The following SEPSECS variants were observed in gnomAD, a reference collection of about 807,000 sequenced individuals.
SEPSECS encodes O-phosphoseryl-tRNA(Sec) selenium transferase.
SEPSECS carries 42 observed loss-of-function variants against 52.1 expected under a neutral mutation model. The ratio of observed to expected loss-of-function variants is 0.81; its 90% CI spans 0.63 to 1.04. The LOEUF is 1.04. SEPSECS is among the 50% of genes least tolerant of loss of function. SEPSECS has a pLI of 0.00. For synonymous variants in SEPSECS, 216 were observed against 211.4 expected (o/e 1.02, Z -0.19); for missense variants, 590 against 610.6 (o/e 0.97, Z 0.36).
chr4:25,145,202 C>A, intron 6 of SEPSECS, 69 bp from the exon 7 acceptor site: 1 of 1,500,598 alleles, frequency 6.7e-7, no homozygotes, highest in Admixed American at 1.7e-5. Context: ...AAACAAATAC[C>A]ACAACAAAAA....
intron 1 of SEPSECS, 62 bp from the exon 2 acceptor site, chr4:25,159,169 C>T (rs1299067397): frequency 7.5e-7 from 1 of 1,340,100 alleles, no homozygotes; most frequent in African/African-American, 1.5e-5. Flanking sequence ...TAGAATACTA[C>T]AGGAATACAG....
Position 25,150,732 on chromosome 4 carries a change from G to A in SEPSECS, c.804+1228C>T, listed in dbSNP as rs181663048. ...TAGAAAATGCTAGCAAGGGCTGGGC[G>A]CAGTGGCTCACATCTGCAATCCCAG... On this transcript the variant is annotated intron_variant, in intron 6 of 10. Coordinates refer to ENST00000382103, the MANE Select transcript of SEPSECS (RefSeq NM_016955.4). Among the ~76,000 whole-genome samples the A allele has an allele frequency of 1.6e-3, 245 of 152,288 alleles. 2 individuals are homozygous for A. Among genetic ancestry groups the A allele is most frequent in the African/African-American group, 5.7e-3 (235 of 41,562 alleles).
At chr4:25,140,539 G>A (rs1252110808) in intron 8 of SEPSECS, among the ~76,000 whole-genome samples, 1 of 152,056 alleles carries the variant, frequency 6.6e-6, no homozygotes, top group Non-Finnish European at 1.5e-5. Flanking sequence ...GTTACTTCTC[G>A]ATTTCCTATG....
At chr4:25,139,138 T>C (rs1728956399) in intron 8 of SEPSECS, among the ~76,000 whole-genome samples, 1 of 152,210 alleles carries the variant, frequency 6.6e-6, no homozygotes, top group Non-Finnish European at 1.5e-5. Flanking sequence ...CACTCTTGCG[T>C]TCCTTTCATA....
chr4:25,120,475 AAACT>A lies in SEPSECS; in HGVS notation c.*3452_*3455del, dbSNP rs1428618862. ...CAACATAATATGACAGACAAGGAAAAAACTGACTAATAGAACCTTTTCTTAAAAA... is the reference window on the plus strand; with the variant it reads ...CAACATAATATGACAGACAAGGAAAAGACTAATAGAACCTTTTCTTAAAAA... On this transcript the variant is annotated 3_prime_UTR_variant, in exon 11 of 11. Transcript: ENST00000382103. 9 of 152,188 alleles carry A rather than the reference AAACT, an allele frequency of 5.9e-5. No individual in the cohort carries two copies. Among genetic ancestry groups the A allele is most frequent in the African/African-American group, 2.2e-4 (9 of 41,466 alleles). The allele number at this position is 152,188 out of a possible 1,614,324, so 9.4% of individuals were successfully genotyped here. A position where few individuals can be genotyped will look rare whatever the true frequency, so the allele number is the denominator to read the frequency against.
At chr4:25,146,141 TTTTC>T (rs1441942855) in intron 6 of SEPSECS, among the ~76,000 whole-genome samples, 2 of 152,208 alleles carry the variant, frequency 1.3e-5, no homozygotes, top group African/African-American at 4.8e-5. Flanking sequence ...AACATAGTCT[TTTTC>T]TTTATCTGTA....
At chr4:25,131,900 A>G (rs896609579) in intron 8 of SEPSECS, among the ~76,000 whole-genome samples, 13 of 152,246 alleles carry the variant, frequency 8.5e-5, no homozygotes, top group African/African-American at 3.1e-4. Flanking sequence ...CTTCTCCAGA[A>G]GCAAAACAGA....
At position 25,159,917 on chromosome 4, in the gene SEPSECS, G is replaced by A. The variant is rs60527077; in HGVS notation, c.114+339C>T. Reference sequence around the variant, plus strand: ...CCATTATGTGTTCTGAGTCGTTGAGGGTTGGTGAAAGATGGAGGTGCGAAC... The same window carrying A: ...CCATTATGTGTTCTGAGTCGTTGAGAGTTGGTGAAAGATGGAGGTGCGAAC... On this transcript the variant is annotated intron_variant, in intron 1 of 10. Coordinates refer to ENST00000382103, the MANE Select transcript of SEPSECS (RefSeq NM_016955.4). 0.099 allele frequency: 97,710 copies of A among 985,122 alleles called. 5,074 individuals carry two copies. The highest frequency in any genetic ancestry group is 0.17 in the African/African-American group (9,820 of 57,280). The allele number at this position is 985,122 out of a possible 1,614,324, so 61.0% of individuals were successfully genotyped here. A position where few individuals can be genotyped will look rare whatever the true frequency, so the allele number is the denominator to read the frequency against.
chr4:25,139,136 C>A (rs1372700008), intron 8 of SEPSECS, among the ~76,000 whole-genome samples: 1 of 152,090 alleles, frequency 6.6e-6, no homozygotes, highest in Non-Finnish European at 1.5e-5. Context: ...CACACTCTTG[C>A]GTTCCTTTCA....
intron 7 of SEPSECS, 63 bp downstream of exon 7, chr4:25,144,941 C>T (rs1162932729): frequency 2.5e-6 from 4 of 1,598,912 alleles, no homozygotes; most frequent in Admixed American, 1.7e-5. Flanking sequence ...ACTACAATAG[C>T]CTATGTACAA....
At chr4:25,128,730 G>T (rs1196019046) in intron 8 of SEPSECS, among the ~76,000 whole-genome samples, 1 of 151,926 alleles carries the variant, frequency 6.6e-6, no homozygotes, top group Non-Finnish European at 1.5e-5. Flanking sequence ...TTTGCACTGA[G>T]CTCCTCTAAT....
chr4:25,133,869 T>G (rs1482762714), intron 8 of SEPSECS, among the ~76,000 whole-genome samples: 2 of 151,718 alleles, frequency 1.3e-5, no homozygotes, highest in Non-Finnish European at 2.9e-5. Context: ...ATCCCAGCAC[T>G]CTGGGAGGCT....
Position 25,120,226 on chromosome 4 carries a change from G to C in SEPSECS, c.*3705C>G, listed in dbSNP as rs1728063612. 6.6e-6 allele frequency: 1 copy of C among 152,020 alleles called. No individual in the cohort carries two copies. The highest frequency in any genetic ancestry group is 1.5e-5 in the Non-Finnish European group (1 of 67,978). 9.4% of individuals were successfully genotyped at this position (152,020 alleles called of 1,614,324 possible). A position where few individuals can be genotyped will look rare whatever the true frequency, so the allele number is the denominator to read the frequency against. Reference sequence around the variant, plus strand: ...TGTATTTCTCAAGTTGACACCACTTGATAAAAAACAAAACAATATAAACAT... The same window carrying C: ...TGTATTTCTCAAGTTGACACCACTTCATAAAAAACAAAACAATATAAACAT... On this transcript the variant is annotated 3_prime_UTR_variant, in exon 11 of 11. Coordinates refer to ENST00000382103, the MANE Select transcript of SEPSECS (RefSeq NM_016955.4).
chr4:25,138,326 T>C (rs2109015272), intron 8 of SEPSECS, among the ~76,000 whole-genome samples: 1 of 152,224 alleles, frequency 6.6e-6, no homozygotes, highest in Admixed American at 6.5e-5. Flanking sequence ...ATATATTCCA[T>C]TTATTTAGTT....
intron 5 of SEPSECS, 137 bp from the exon 6 acceptor site, chr4:25,152,199 A>G: frequency 3.2e-6 from 2 of 624,274 alleles, no homozygotes; most frequent in South Asian, 4.0e-5. Flanking sequence ...TGAAATTTCT[A>G]TTGCAGTATT....
At chr4:25,134,325 T>C (rs1041205984) in intron 8 of SEPSECS, among the ~76,000 whole-genome samples, 23 of 104,506 alleles carry the variant, frequency 2.2e-4, no homozygotes, top group African/African-American at 7.4e-4. Flanking sequence ...TAAAAATGTG[T>C]GTGTGTGTGT....
At chr4:25,141,027 T>A (rs937967607) in intron 8 of SEPSECS, among the ~76,000 whole-genome samples, 1 of 152,218 alleles carries the variant, frequency 6.6e-6, no homozygotes, top group Non-Finnish European at 1.5e-5. Flanking sequence ...TTATATTGTA[T>A]TCAGTATTAT....
intron 8 of SEPSECS, among the ~76,000 whole-genome samples, chr4:25,128,226 T>C (rs1267235811): frequency 2.6e-5 from 4 of 152,206 alleles, no homozygotes; most frequent in Non-Finnish European, 5.9e-5. Flanking sequence ...GGACTTTGTC[T>C]TCTTCACCAC....
intron 2 of SEPSECS, among the ~76,000 whole-genome samples, chr4:25,158,270 C>T (rs940439031): frequency 1.3e-5 from 2 of 152,138 alleles, no homozygotes; most frequent in Admixed American, 1.3e-4. Flanking sequence ...ACAAATTCTA[C>T]GATGCCCAGG....
Sources: allele counts gnomAD v4.1 joint callset (sites outside exome capture counted in the v4.1 genomes callset), GRCh38; gene constraint gnomAD v4.1.1; transcripts MANE v1.5; gene names NCBI Gene and HGNC (gene_info 2026-07-23, HGNC 2026-07-21).